Variants in BCO1 observed in about 807,000 individuals in gnomAD.
BCO1 encodes the protein beta-carotene oxygenase 1, also known as beta,beta-carotene 15,15'-dioxygenase.
In BCO1, 54 loss-of-function variants were observed where a neutral mutation model predicts 56.3. That is an observed-to-expected ratio of 0.96 (90% confidence interval 0.77 to 1.20). The LOEUF (loss-of-function observed/expected upper bound fraction) is 1.20, where lower values mean the gene tolerates loss of function less well. Among genes scored for constraint, BCO1 ranks in the 50% most tolerant of loss-of-function variants. The pLI is 0.00. For synonymous variants in BCO1, 318 were observed against 266.1 expected (o/e 1.20, Z -1.90); for missense variants, 801 against 690.9 (o/e 1.16, Z -1.79).
chr16:81,263,748 G>A (rs1181421018), intron 4 of BCO1: 1 of 152,246 alleles, frequency 6.6e-6, no homozygotes, highest in Non-Finnish European at 1.5e-5. Context: ...GAAGAATCAA[G>A]TCAACATTTT....
intron 2 of BCO1, among the ~76,000 whole-genome samples, chr16:81,248,989 G>C (rs1047738389): frequency 6.6e-6 from 1 of 152,090 alleles, no homozygotes; most frequent in African/African-American, 2.4e-5. Context: ...TCCAGCCTGG[G>C]TGACACAGTG....
chr16:81,267,873 GCA>G (rs1253087183), intron 5 of BCO1, 33 bp from the exon 6 acceptor site: 2 of 1,598,626 alleles, frequency 1.3e-6, no homozygotes, highest in Non-Finnish European at 1.7e-6. Flanking sequence ...GCCAGATCCT[GCA>G]CAATTCCTGA....
At chr16:81,281,554 T>C (rs1018499405) in intron 8 of BCO1, among the ~76,000 whole-genome samples, 1 of 152,174 alleles carries the variant, frequency 6.6e-6, no homozygotes, top group Non-Finnish European at 1.5e-5. Flanking sequence ...GCACAATACA[T>C]TTCCATTTCT....
chr16:81,281,213 AG>A (rs982046938), intron 8 of BCO1, among the ~76,000 whole-genome samples: 15 of 152,186 alleles, frequency 9.9e-5, no homozygotes, highest in African/African-American at 3.4e-4. Context: ...TGGGAAGCTG[AG>A]GGAGGCAGAT....
At chr16:81,275,213 C>T (rs1416542857) in intron 7 of BCO1, among the ~76,000 whole-genome samples, 1 of 152,236 alleles carries the variant, frequency 6.6e-6, no homozygotes, top group Admixed American at 6.5e-5. Flanking sequence ...GAGGCCTTTG[C>T]AGGACATTGC....
intron 3 of BCO1, chr16:81,261,842 C>T (rs534787732): frequency 1.6e-5 from 6 of 369,752 alleles, no homozygotes; most frequent in East Asian, 6.6e-5. Flanking sequence ...CCCGGGTTCA[C>T]GCCATTCTCC....
intron 2 of BCO1, among the ~76,000 whole-genome samples, chr16:81,253,079 A>G (rs1480512271): frequency 6.6e-5 from 10 of 152,182 alleles, no homozygotes; most frequent in Non-Finnish European, 1.5e-4. Context: ...ACTGCACTCC[A>G]GCCTGGGTGA....
chr16:81,278,295 G>C (rs1907675207), intron 7 of BCO1, among the ~76,000 whole-genome samples: 1 of 152,066 alleles, frequency 6.6e-6, no homozygotes, highest in African/African-American at 2.4e-5. Context: ...ACCCACCTCG[G>C]CCTCCCAAAG....
intron 8 of BCO1, among the ~76,000 whole-genome samples, chr16:81,282,773 C>T (rs776123807): frequency 4.6e-5 from 7 of 152,130 alleles, no homozygotes; most frequent in African/African-American, 7.2e-5. Context: ...TCCCTGCCCC[C>T]GTGACAGCGC....
At chr16:81,243,415 T>C (rs1905225914) in intron 1 of BCO1, among the ~76,000 whole-genome samples, 1 of 152,092 alleles carries the variant, frequency 6.6e-6, no homozygotes, top group Admixed American at 6.6e-5. Context: ...AAAATGACGG[T>C]CCAGTCTTAC....
chr16:81,284,839 C>CTTTTTTTTTT (rs763583150), intron 8 of BCO1, among the ~76,000 whole-genome samples: 1 of 136,422 alleles, frequency 7.3e-6, no homozygotes, highest in Non-Finnish European at 1.6e-5. Flanking sequence ...CTTTTCTTTT[C>CTTTTTTTTTT]TTTTTTTTTT....
At position 81,290,563 on chromosome 16, in the gene BCO1, G is replaced by A. The variant is rs777667407; in HGVS notation, c.1630G>A (p.Ala544Thr). The change falls in exon 11 of 11, where the codon GCT (alanine) becomes ACT (threonine). Residue 544 changes from alanine (A) to threonine (T), a missense_variant. Transcript: ENST00000258168. ...GGACAGGGCTTCCGACTGCCACGGG[G>A]CTCCTCTGACCTGATGGTGTTGGGG... ...QRDRASDCHG[A>T]PLT is the part of the protein sequence containing the mutation. 1 of 1,613,398 alleles carries A rather than the reference G, an allele frequency of 6.2e-7. No individual in the cohort carries two copies. Among genetic ancestry groups the A allele is most frequent in the South Asian group, 1.1e-5 (1 of 91,076 alleles).
At chr16:81,264,151 A>T (rs1906665097) in intron 4 of BCO1, 1 of 201,262 alleles carries the variant, frequency 5.0e-6, no homozygotes, top group African/African-American at 2.3e-5. Flanking sequence ...ATAATCGTCT[A>T]AGAGAGGCCT....
chr16:81,279,642 G>C (rs914647607), intron 7 of BCO1, among the ~76,000 whole-genome samples: 17 of 152,136 alleles, frequency 1.1e-4, no homozygotes, highest in African/African-American at 4.1e-4. Context: ...ACTATAGAGA[G>C]GCCAACTGAC....
chr16:81,239,742 G>A (rs918235070), intron 1 of BCO1, among the ~76,000 whole-genome samples: 10 of 152,198 alleles, frequency 6.6e-5, no homozygotes, highest in African/African-American at 2.4e-4. Flanking sequence ...CTCCTGCAGA[G>A]CCTATAGGAG....
At chr16:81,271,536 A>G (rs1459405163) in intron 7 of BCO1, among the ~76,000 whole-genome samples, 1 of 152,078 alleles carries the variant, frequency 6.6e-6, no homozygotes, top group Non-Finnish European at 1.5e-5. Flanking sequence ...CCCCTTAGCC[A>G]TCACCTCCTA....
In BCO1 at chr16:81,268,229, G is replaced by C. The variant is rs947156144; in HGVS notation, c.843+98G>C. 46 of 1,017,130 alleles carry C rather than the reference G, an allele frequency of 4.5e-5. No homozygotes were observed. In the Middle Eastern group the frequency reaches 1.4e-3, roughly 30 times the overall value. The allele number at this position is 1,017,130 out of a possible 1,614,324, so 63.0% of individuals were successfully genotyped here. The stretch of plus-strand genomic sequence containing the variant: ...AAGTTTAAGGCAAGGAAGTGGCATG[G>C]AAGAGGGAGGAGGCTACCAGAGGCA... On this transcript the variant is annotated intron_variant, in intron 6 of 10. Transcript: ENST00000258168.
At position 81,249,519 on chromosome 16, in the gene BCO1, A is replaced by G. The variant is rs149521892; in HGVS notation, c.193+3916A>G. Among the ~76,000 whole-genome samples, 1,018 of 151,992 alleles carry G rather than the reference A, an allele frequency of 6.7e-3. 35 individuals carry two copies. Among genetic ancestry groups the G allele is most frequent in the Admixed American group, 0.058 (881 of 15,272 alleles). ...GATCTGACCGCCTCGGCCTCCCAAA[A>G]TGCTGGGATTACAGGTGTGAGCCAC... On this transcript the variant is annotated intron_variant, in intron 2 of 10. Transcript: ENST00000258168.
intron 8 of BCO1, 98 bp from the exon 9 acceptor site, chr16:81,285,442 A>C: frequency 1.1e-6 from 1 of 901,578 alleles, no homozygotes. Flanking sequence ...TTGGTGTGGA[A>C]ACGGATTCTG....
Sources: gnomAD v4.1 joint callset for allele counts (sites outside exome capture counted in the v4.1 genomes callset) on GRCh38, gnomAD v4.1.1 for gene constraint, MANE v1.5 for transcripts, NCBI Gene and HGNC (gene_info 2026-07-23, HGNC 2026-07-21) for gene names.